Variants in PALS2 observed in about 807,000 individuals in gnomAD.
PALS2 encodes the protein protein associated with LIN7 2, MAGUK p55 family member.
A neutral mutation model predicts 61.6 loss-of-function variants in PALS2; 27 were observed. The observed-to-expected ratio is 0.44, with a 90% CI of 0.32 to 0.60. The LOEUF (loss-of-function observed/expected upper bound fraction) is 0.60. PALS2 is among the 20% of genes least tolerant of loss of function. PALS2 has a pLI of 0.05. For synonymous variants in PALS2, 236 were observed against 218.6 expected, an observed-to-expected ratio of 1.08 and a Z score of -0.70; for missense variants, 554 against 639.4, an observed-to-expected ratio of 0.87 and a Z score of 1.44.
At chr7:24,599,195 T>G (rs915267605) in intron 1 of PALS2, among the ~76,000 whole-genome samples, 2 of 152,188 alleles carry the variant, frequency 1.3e-5, no homozygotes, top group African/African-American at 4.8e-5. Context: ...TTTGGCCTAT[T>G]GTTCCTAGGC....
At chr7:24,582,882 G>GTTTT (rs1301108960) in intron 1 of PALS2, among the ~76,000 whole-genome samples, 1 of 104,766 alleles carries the variant, frequency 9.5e-6, no homozygotes, top group African/African-American at 3.7e-5. Context: ...TGATAGTCAT[G>GTTTT]CTTTTTTTTT....
intron 9 of PALS2, among the ~76,000 whole-genome samples, chr7:24,677,804 A>C (rs1232437185): frequency 7.2e-5 from 11 of 152,336 alleles, no homozygotes; most frequent in Admixed American, 7.2e-4. Context: ...AATACTCTTC[A>C]CAGTAGTCTA....
intron 2 of PALS2, among the ~76,000 whole-genome samples, chr7:24,624,682 C>T (rs556722132): frequency 1.4e-5 from 2 of 142,798 alleles, no homozygotes; most frequent in African/African-American, 5.4e-5. Flanking sequence ...TCTCAGCTCA[C>T]TGCAACCTCT....
In PALS2 at chr7:24,650,760, A is replaced by T. The variant is rs755173227; in HGVS notation, c.651+48A>T. The stretch of plus-strand genomic sequence containing the variant: ...GTATTAAAAATACTTTCATGTTTTT[A>T]ATCACAGTGTTGGAAATAACTATCA... On this transcript the variant is annotated intron_variant, in intron 5 of 11. Coordinates refer to ENST00000222644, the MANE Select transcript of PALS2 (RefSeq NM_001303037.2). The T allele has an allele frequency of 2.9e-5, 36 of 1,261,038 alleles. No homozygotes were observed. The Admixed American group carries it at 6.5e-4, about 23-fold the overall frequency. The allele number at this position is 1,261,038 out of a possible 1,614,324, so 78.1% of individuals were successfully genotyped here.
chr7:24,647,265 GCC>G (rs1785889089), intron 3 of PALS2, among the ~76,000 whole-genome samples: 1 of 151,722 alleles, frequency 6.6e-6, no homozygotes, highest in African/African-American at 2.4e-5. Flanking sequence ...TCCTGCCTCA[GCC>G]TCCCAAGTAG....
chr7:24,668,794 T>A, intron 9 of PALS2, 134 bp downstream of exon 9: 2 of 1,073,514 alleles, frequency 1.9e-6, no homozygotes, highest in Non-Finnish European at 2.7e-6. Flanking sequence ...AGTGAACAAG[T>A]AAAAGACATT....
Position 24,650,623 on chromosome 7 carries a change from A to G in PALS2, c.562A>G (p.Lys188Glu). Residue 188 changes from lysine to glutamate, a missense_variant, in exon 5 of 12, where the codon AAG (lysine) becomes GAG (glutamate). By Grantham distance (56) the Lys-to-Glu change is moderately conservative. Transcript: ENST00000222644. ...TGGCCATGAGGTTGGAAATAATCCA[A>G]AGGAATTACAAGAATTACTGAAAAA... ...VNGHEVGNNPKELQELLKNIS... is the reference protein window; with the variant it reads ...VNGHEVGNNPEELQELLKNIS... 6.2e-7 allele frequency: 1 copy of G among 1,612,628 alleles called. No individual in the cohort carries two copies. The highest frequency in any genetic ancestry group is 8.5e-7 in the Non-Finnish European group (1 of 1,178,830).
chr7:24,630,024 A>G (rs1258033516), intron 2 of PALS2, among the ~76,000 whole-genome samples: 1 of 152,242 alleles, frequency 6.6e-6, no homozygotes, highest in Non-Finnish European at 1.5e-5. Context: ...AGACACATGC[A>G]CATGTATGTT....
intron 11 of PALS2, 60 bp downstream of exon 11, chr7:24,680,580 C>T (rs1378188780): frequency 6.6e-7 from 1 of 1,522,188 alleles, no homozygotes; most frequent in East Asian, 2.3e-5. Flanking sequence ...GCATGTTTAA[C>T]TGTTATCTAA....
At chr7:24,597,065 T>C (rs188169664) in intron 1 of PALS2, 20 of 152,252 alleles carry the variant, frequency 1.3e-4, no homozygotes, top group Admixed American at 1.1e-3. Context: ...GTAATATAAA[T>C]GAGAGGTAGA....
chr7:24,679,068 T>G, intron 9 of PALS2, 63 bp from the exon 10 acceptor site: 2 of 1,464,312 alleles, frequency 1.4e-6, no homozygotes, highest in Non-Finnish European at 1.9e-6. Flanking sequence ...CCCTATGTAT[T>G]TTAGTCTATT....
rs558978263 is a variant in PALS2, at chr7:24,611,934, G to T, written c.-2-11732G>T. Among the ~76,000 whole-genome samples the T allele has an allele frequency of 9.2e-5, 14 of 152,070 alleles. No homozygotes were observed. The South Asian group carries it at 2.7e-3, about 29-fold the overall frequency. ...ATGTAGATACCAGGCTGTTGGGGTA[G>T]TCTGGGTACGATATGATAATGGCAA... On this transcript the variant is annotated intron_variant, in intron 1 of 11. Transcript: ENST00000222644.
intron 9 of PALS2, among the ~76,000 whole-genome samples, chr7:24,669,116 A>G (rs1322890099): frequency 6.6e-6 from 1 of 152,156 alleles, no homozygotes; most frequent in African/African-American, 2.4e-5. Context: ...AAGGTCATAA[A>G]CCTGATTTTT....
chr7:24,668,391 G>A (rs1583981662), intron 8 of PALS2, 108 bp from the exon 9 acceptor site: 1 of 1,011,364 alleles, frequency 9.9e-7, no homozygotes, highest in Non-Finnish European at 1.4e-6. Flanking sequence ...TACAAGTCAA[G>A]TGATATTTAA....
At chr7:24,685,173 C>T (rs957328194) in intron 11 of PALS2, among the ~76,000 whole-genome samples, 6 of 151,938 alleles carry the variant, frequency 3.9e-5, no homozygotes, top group African/African-American at 1.2e-4. Context: ...TATTGTACAC[C>T]TCCCACTTAT....
chr7:24,619,683 A>C (rs907955621), intron 1 of PALS2, among the ~76,000 whole-genome samples: 11 of 148,044 alleles, frequency 7.4e-5, no homozygotes, highest in Non-Finnish European at 8.9e-5. Flanking sequence ...CCGCCACTGC[A>C]CTCCAGCCTG....
chr7:24,588,712 T>A (rs968009917), intron 1 of PALS2, among the ~76,000 whole-genome samples: 9 of 152,208 alleles, frequency 5.9e-5, no homozygotes, highest in African/African-American at 2.2e-4. Context: ...CAAAAAGACT[T>A]TATAATGGTT....
In PALS2 at chr7:24,687,860, TAAAG is replaced by T. The variant is rs1788287283; in HGVS notation, c.*250_*253del. The T allele has an allele frequency of 3.2e-6, 1 of 317,338 alleles. No individual in the cohort carries two copies. The highest frequency in any genetic ancestry group is 2.1e-5 in the African/African-American group (1 of 46,652). The allele number at this position is 317,338 out of a possible 1,614,324, so 19.7% of individuals were successfully genotyped here. A position where few individuals can be genotyped will look rare whatever the true frequency, so the allele number is the denominator to read the frequency against. The stretch of plus-strand genomic sequence containing the variant: ...GGATAATCTTTCTATTCATATCACA[TAAAG>T]AAATGCGTTGAAGCATTTTGTATAT... On this transcript the variant is annotated 3_prime_UTR_variant, in exon 12 of 12. Transcript: ENST00000222644. The surrounding 1 kb of genome is among the most constrained non-coding windows in gnomAD (Gnocchi z 4.5).
chr7:24,600,447 A>T (rs539775344), intron 1 of PALS2, among the ~76,000 whole-genome samples: 1 of 152,192 alleles, frequency 6.6e-6, no homozygotes, highest in Non-Finnish European at 1.5e-5. Context: ...CAAAGAAGAA[A>T]AAAGGTTTGT....
Sources: allele counts gnomAD v4.1 joint callset (sites outside exome capture counted in the v4.1 genomes callset), GRCh38; gene constraint gnomAD v4.1.1; non-coding constraint Gnocchi (gnomAD v3.1); transcripts MANE v1.5; gene names NCBI Gene and HGNC (gene_info 2026-07-23, HGNC 2026-07-21).